Variants in SPNS2 observed in about 807,000 individuals in gnomAD.
SPNS2 encodes the protein sphingosine-1-phosphate transporter SPNS2.
SPNS2 carries 37 observed loss-of-function variants against 57.6 expected under a neutral mutation model. The ratio of observed to expected loss-of-function variants is 0.64; its 90% confidence interval spans 0.49 to 0.85. The LOEUF (loss-of-function observed/expected upper bound fraction) is 0.85. SPNS2 is among the 40% of genes least tolerant of loss of function. The probability of loss-of-function intolerance (pLI) is 0.00; values close to 1 mark genes in which losing one functional copy is unlikely to be tolerated. For synonymous variants in SPNS2, 440 were observed against 346.9 expected, an observed-to-expected ratio of 1.27 and a Z score of -2.98; for missense variants, 831 against 779.1, an observed-to-expected ratio of 1.07 and a Z score of -0.79.
chr17:4,499,040 G>A lies in SPNS2; in HGVS notation c.-8G>A, dbSNP rs1904362382. The stretch of plus-strand genomic sequence containing the variant: ...CCCGCGCCCCCCGCCGCCCCGATCC[G>A]GGCCGGCATGATGTGCCTGGAATGC... On this transcript the variant is annotated 5_prime_UTR_variant, in exon 1 of 13. Coordinates refer to ENST00000329078, the MANE Select transcript of SPNS2 (RefSeq NM_001124758.3). This position sits in a 1 kb window ranked among gnomAD's most constrained non-coding sequence, Gnocchi z 5.2. The A allele has an allele frequency of 2.0e-6, 2 of 1,003,418 alleles. No individual in the cohort carries two copies. Among genetic ancestry groups the A allele is most frequent in the Non-Finnish European group, 1.2e-6 (1 of 843,852 alleles). The allele number at this position is 1,003,418 out of a possible 1,614,324, so 62.2% of individuals were successfully genotyped here. A position where few individuals can be genotyped will look rare whatever the true frequency, so the allele number is the denominator to read the frequency against.
chr17:4,513,760 G>A (rs2144323400), intron 2 of SPNS2, among the ~76,000 whole-genome samples: 1 of 152,280 alleles, frequency 6.6e-6, no homozygotes, highest in African/African-American at 2.4e-5. Context: ...CCTGGGAATC[G>A]CCTCTTAGGT....
intron 3 of SPNS2, 101 bp downstream of exon 3, chr17:4,525,294 G>T: frequency 1.3e-6 from 2 of 1,486,720 alleles, no homozygotes; most frequent in African/African-American, 2.8e-5. Context: ...AGGGCTTCCA[G>T]CTCCTTTGCT....
In SPNS2 at chr17:4,536,259, G is replaced by A. The variant is rs375816086; in HGVS notation, c.1444-4G>A. On this transcript the variant is annotated splice_region_variant and splice_polypyrimidine_tract_variant and intron_variant, in intron 10 of 12. Coordinates refer to ENST00000329078, the MANE Select transcript of SPNS2 (RefSeq NM_001124758.3). ...CCCTGACATCCACCCCCAAATCCTC[G>A]CAGATCTCAGACCTGATCCGCCAGA... The A allele has an allele frequency of 2.1e-4, 343 of 1,611,426 alleles. 2 individuals carry two copies. The South Asian group carries it at 2.2e-3, about 11-fold the overall frequency.
At chr17:4,535,107 T>C (rs573902955) in intron 9 of SPNS2, among the ~76,000 whole-genome samples, 18 of 152,226 alleles carry the variant, frequency 1.2e-4, no homozygotes, top group African/African-American at 4.3e-4. Context: ...GCGAGGCAGC[T>C]GGAGCTCGGG....
chr17:4,530,413 G>C (rs1482663873), intron 3 of SPNS2, among the ~76,000 whole-genome samples: 2 of 152,188 alleles, frequency 1.3e-5, no homozygotes, highest in Non-Finnish European at 2.9e-5. Flanking sequence ...ACCAGCACTG[G>C]GCCGGCCAGG....
rs1205523237 is a variant in SPNS2 at position 4,512,726 on chromosome 17, GCAGGTGTGTGTGTGCATGTA to G, written c.371-510_371-491del. Among the ~76,000 whole-genome samples, 1 of 152,002 alleles carries G rather than the reference GCAGGTGTGTGTGTGCATGTA, an allele frequency of 6.6e-6. No individual in the cohort carries two copies. The highest frequency in any genetic ancestry group is 2.4e-5 in the African/African-American group (1 of 41,392). On this transcript the variant is annotated intron_variant, in intron 1 of 12. Coordinates refer to ENST00000329078, the MANE Select transcript of SPNS2 (RefSeq NM_001124758.3). This position sits in a 1 kb window ranked among gnomAD's most constrained non-coding sequence, Gnocchi z 5.2. ...TGTGTGCACACACGTGCGTGCGTGT[GCAGGTGTGTGTGTGCATGTA>G]CAGGTGTGTGCGTGTGTGTGCGAAT...
At chr17:4,519,357 C>T (rs141012293) in intron 2 of SPNS2, among the ~76,000 whole-genome samples, 1 of 152,318 alleles carries the variant, frequency 6.6e-6, no homozygotes, top group East Asian at 1.9e-4. Flanking sequence ...GGACAGGGGT[C>T]CTGGGGCTGC....
chr17:4,516,963 G>A (rs1597363030), intron 2 of SPNS2, among the ~76,000 whole-genome samples: 2 of 152,334 alleles, frequency 1.3e-5, no homozygotes, highest in East Asian at 3.9e-4. Flanking sequence ...ATAAAAAGTA[G>A]TGAGAATGGC....
intron 1 of SPNS2, among the ~76,000 whole-genome samples, chr17:4,504,833 ACT>A (rs1479572656): frequency 6.6e-6 from 1 of 151,450 alleles, no homozygotes; most frequent in Non-Finnish European, 1.5e-5. Flanking sequence ...GCAAATTCTG[ACT>A]CTCTCTGATC....
chr17:4,521,574 G>C (rs1394040412), intron 2 of SPNS2, among the ~76,000 whole-genome samples: 1 of 152,212 alleles, frequency 6.6e-6, no homozygotes, highest in Non-Finnish European at 1.5e-5. Context: ...GTTGGCGCTG[G>C]CTCAGGCCAG....
chr17:4,513,133 AG>A, intron 1 of SPNS2, 113 bp from the exon 2 acceptor site: 1 of 1,148,656 alleles, frequency 8.7e-7, no homozygotes, highest in African/African-American at 1.5e-5. Context: ...GCAGAGCAGG[AG>A]TGCCGCAGAT....
At chr17:4,526,092 T>G (rs1905256857) in intron 3 of SPNS2, among the ~76,000 whole-genome samples, 1 of 152,196 alleles carries the variant, frequency 6.6e-6, no homozygotes, top group African/African-American at 2.4e-5. Context: ...TGACAGGAAC[T>G]CCTGTGTTCA....
chr17:4,502,994 G>C (rs538126739), intron 1 of SPNS2, among the ~76,000 whole-genome samples: 1 of 152,196 alleles, frequency 6.6e-6, no homozygotes, highest in Non-Finnish European at 1.5e-5. Flanking sequence ...GCCTCAGAGC[G>C]GGTGAGGAGG....
chr17:4,505,619 A>G (rs945117345), intron 1 of SPNS2, among the ~76,000 whole-genome samples: 13 of 152,234 alleles, frequency 8.5e-5, no homozygotes, highest in African/African-American at 3.1e-4. Flanking sequence ...TTCTGCAGAT[A>G]GGGCTGGCCC....
Position 4,499,096 on chromosome 17 carries a change from G to A in SPNS2, c.49G>A (p.Glu17Lys), listed in dbSNP as rs945112636. ...ASAAAGGAEE[E>K]EADAERRRRR... ...GGCGGCGGCGGGCGGCGCGGAGGAG[G>A]AGGAGGCGGACGCGGAGCGGCGGCG... Residue 17 changes from glutamate (E) to lysine (K), a missense_variant, in exon 1 of 13, where the codon GAG (glutamate) becomes AAG (lysine). Coordinates refer to ENST00000329078, the MANE Select transcript of SPNS2 (RefSeq NM_001124758.3). The surrounding 1 kb of genome is among the most constrained non-coding windows in gnomAD (Gnocchi z 5.2). 2.1e-5 allele frequency: 23 copies of A among 1,071,840 alleles called. No individual in the cohort carries two copies. Among genetic ancestry groups the A allele is most frequent in the African/African-American group, 3.4e-5 (2 of 58,866 alleles). 66.4% of individuals were successfully genotyped at this position (1,071,840 alleles called of 1,614,324 possible). A position where few individuals can be genotyped will look rare whatever the true frequency, so the allele number is the denominator to read the frequency against.
rs372992012 is a variant in SPNS2, at chr17:4,530,793, G to A, written c.725+10G>A. On this transcript the variant is annotated intron_variant, in intron 4 of 12. Transcript: ENST00000329078. Reference sequence around the variant, plus strand: ...CCATCCCACTGGGCAGGTGAGAGCCGGAGATGCCAGGGTCTGGGTGAGGAT... The same window carrying A: ...CCATCCCACTGGGCAGGTGAGAGCCAGAGATGCCAGGGTCTGGGTGAGGAT... 2.1e-5 allele frequency: 33 copies of A among 1,608,618 alleles called. No homozygotes were observed. Among genetic ancestry groups the A allele is most frequent in the Middle Eastern group, 1.6e-4 (1 of 6,064 alleles).
chr17:4,525,222 C>T (rs1905235274), intron 3 of SPNS2, 29 bp downstream of exon 3: 3 of 1,611,902 alleles, frequency 1.9e-6, no homozygotes, highest in East Asian at 2.2e-5. Flanking sequence ...TCTCCCCGAC[C>T]CCTGTGTCCT....
chr17:4,537,121 C>T (rs1259234650), intron 12 of SPNS2, among the ~76,000 whole-genome samples, 175 bp downstream of exon 12: 7 of 152,386 alleles, frequency 4.6e-5, no homozygotes, highest in Non-Finnish European at 8.8e-5. Flanking sequence ...ATGGGTGGGA[C>T]AGCAGGCTGC....
At chr17:4,514,166 C>T (rs1245263979) in intron 2 of SPNS2, among the ~76,000 whole-genome samples, 1 of 152,260 alleles carries the variant, frequency 6.6e-6, no homozygotes, top group East Asian at 1.9e-4. Context: ...CCAGTGCTGC[C>T]ACTCAGGGCT....
Sources: allele counts gnomAD v4.1 joint callset (sites outside exome capture counted in the v4.1 genomes callset), GRCh38; gene constraint gnomAD v4.1.1; non-coding constraint Gnocchi (gnomAD v3.1); transcripts MANE v1.5; gene names NCBI Gene and HGNC (gene_info 2026-07-23, HGNC 2026-07-21).